Variants in TRAF3IP3 observed in about 807,000 individuals in gnomAD.
TRAF3IP3 encodes TRAF3-interacting JNK-activating modulator.
TRAF3IP3 carries 64 observed loss-of-function variants against 86.5 expected under a neutral mutation model. The ratio of observed to expected loss-of-function variants is 0.74; its 90% CI spans 0.60 to 0.91. The LOEUF is 0.91. Among genes scored for constraint, TRAF3IP3 ranks in the 40% least tolerant of loss-of-function variants. TRAF3IP3 has a pLI of 0.00. For missense variants in TRAF3IP3, 579 were observed against 642.9 expected (o/e 0.90, Z 1.07); for synonymous variants, 220 against 243.9 (o/e 0.90, Z 0.91).
At chr1:209,763,340 A>T in intron 6 of TRAF3IP3, 23 bp from the exon 7 acceptor site, 1 of 1,612,426 alleles carries the variant, frequency 6.2e-7, no homozygotes. Flanking sequence ...GACATTTTGA[A>T]TACCCTTGTT....
In TRAF3IP3 at chr1:209,778,161, C is replaced by T; in HGVS notation, c.1240C>T (p.Gln414Ter). ...AEKLTLVTRVQQLQGLLQNQS... is the reference protein window; with the variant it reads ...AEKLTLVTRV ...GAAACTCACCCTGGTGACCAGAGTA[C>T]AGCAGTTGCAGGGTAAGTTCGCTTT... is the stretch of plus-strand genomic sequence containing the variant. The change falls in exon 13 of 17, where the codon CAG (glutamine) becomes TAG (stop). Residue 414 changes from glutamine to a stop codon, truncating the protein, a stop_gained. Transcript: ENST00000367025. LOFTEE classifies it high-confidence loss of function. 6.2e-7 allele frequency: 1 copy of T among 1,614,024 alleles called. No individual in the cohort carries two copies. Among genetic ancestry groups the T allele is most frequent in the Non-Finnish European group, 8.5e-7 (1 of 1,179,910 alleles).
At chr1:209,779,695 A>C in intron 14 of TRAF3IP3, 1 of 595,682 alleles carries the variant, frequency 1.7e-6, no homozygotes, top group Non-Finnish European at 3.0e-6. Context: ...TTTCCAAATC[A>C]CATCCAACTC....
chr1:209,763,032 T>C, intron 5 of TRAF3IP3, 36 bp from the exon 6 acceptor site: 1 of 1,612,386 alleles, frequency 6.2e-7, no homozygotes, highest in Non-Finnish European at 8.5e-7. Flanking sequence ...GATTCTTTGG[T>C]CCATTATCAT....
At position 209,763,406 on chromosome 1, in the gene TRAF3IP3, G is replaced by A; in HGVS notation, c.606+14G>A. The A allele has an allele frequency of 6.2e-7, 1 of 1,613,908 alleles. No individual in the cohort carries two copies. Among genetic ancestry groups the A allele is most frequent in the Non-Finnish European group, 8.5e-7 (1 of 1,179,896 alleles). On this transcript the variant is annotated intron_variant, in intron 7 of 16. Transcript: ENST00000367025. Reference sequence around the variant, plus strand: ...GATTACCTCAAAGTAAGTGGCATGTGACCCCTCCCCTCAGTTCCTCCATCC... The same window carrying A: ...GATTACCTCAAAGTAAGTGGCATGTAACCCCTCCCCTCAGTTCCTCCATCC...
chr1:209,766,101 G>A (rs1331038985), intron 8 of TRAF3IP3, among the ~76,000 whole-genome samples: 1 of 152,228 alleles, frequency 6.6e-6, no homozygotes, highest in African/African-American at 2.4e-5. Context: ...GAGAAAGAAA[G>A]ATGATGGGAG....
intron 8 of TRAF3IP3, chr1:209,768,600 A>C: frequency 1.0e-6 from 1 of 985,870 alleles, no homozygotes; most frequent in Non-Finnish European, 1.2e-6. Flanking sequence ...TCTGGAGAGC[A>C]GATCAGAGGC....
intron 8 of TRAF3IP3, among the ~76,000 whole-genome samples, chr1:209,767,829 AG>A (rs1436200154): frequency 2.0e-5 from 3 of 152,034 alleles, no homozygotes; most frequent in Non-Finnish European, 2.9e-5. Flanking sequence ...TGTGGGAATG[AG>A]GGGGGATATA....
rs755111399 is a variant in TRAF3IP3 at position 209,760,079 on chromosome 1, C to T, written c.40C>T (p.Arg14Trp). The change falls in exon 3 of 17, where the codon CGG becomes TGG. Residue 14 changes from arginine to tryptophan, a missense_variant. Transcript: ENST00000367025. ...PDPRPSPGLA[R>W]WAESYEAKCE... Reference sequence around the variant, plus strand: ...CCCCAGGCCCTCCCCTGGCTTGGCCCGGTGGGCTGAGAGCTATGAGGCCAA... The same window carrying T: ...CCCCAGGCCCTCCCCTGGCTTGGCCTGGTGGGCTGAGAGCTATGAGGCCAA... The T allele has an allele frequency of 1.5e-5, 25 of 1,613,898 alleles. No homozygotes were observed. The Admixed American group carries it at 3.3e-4, about 22-fold the overall frequency.
chr1:209,768,210 A>T (rs1252046124), intron 8 of TRAF3IP3: 1 of 985,312 alleles, frequency 1.0e-6, no homozygotes, highest in African/African-American at 1.7e-5. Context: ...TGACCTTCAT[A>T]AATTTGAATT....
At chr1:209,774,219 T>A (rs1454295453) in intron 9 of TRAF3IP3, among the ~76,000 whole-genome samples, 1 of 152,208 alleles carries the variant, frequency 6.6e-6, no homozygotes, top group Non-Finnish European at 1.5e-5. Flanking sequence ...GTCTCCTTAA[T>A]CCTGCAGCCA....
At chr1:209,770,388 GGTGT>G (rs1345942541) in intron 8 of TRAF3IP3, among the ~76,000 whole-genome samples, 1 of 151,030 alleles carries the variant, frequency 6.6e-6, no homozygotes, top group Non-Finnish European at 1.5e-5. Context: ...TGCATGTGGA[GGTGT>G]GTGTGTGCAG....
intron 3 of TRAF3IP3, among the ~76,000 whole-genome samples, chr1:209,761,927 A>G (rs1204454853): frequency 2.6e-5 from 4 of 152,270 alleles, no homozygotes; most frequent in African/African-American, 7.2e-5. Flanking sequence ...GGAGAAAAGT[A>G]CAGCTCCACA....
At chr1:209,777,885 G>C (rs2077692466) in intron 12 of TRAF3IP3, 3 of 590,494 alleles carry the variant, frequency 5.1e-6, no homozygotes, top group Non-Finnish European at 9.0e-6. Flanking sequence ...TAGATAGTGT[G>C]TAAACACAAG....
intron 8 of TRAF3IP3, among the ~76,000 whole-genome samples, chr1:209,764,066 T>C (rs74750955): frequency 0.011 from 1,718 of 152,286 alleles, 29 homozygotes; most frequent in African/African-American, 0.038. Flanking sequence ...CTGAGCTTCA[T>C]AGGGGTCAAG....
intron 3 of TRAF3IP3, among the ~76,000 whole-genome samples, chr1:209,762,146 C>A (rs6679631): frequency 0.36 from 54,186 of 151,750 alleles, 12,783 homozygotes; most frequent in African/African-American, 0.68. Flanking sequence ...GAGTTCTAAA[C>A]CCATGGATTC....
In TRAF3IP3 at chr1:209,772,923, C is replaced by G; in HGVS notation, c.703-25C>G. On this transcript the variant is annotated intron_variant, in intron 8 of 16. Transcript: ENST00000367025. ...TGCAGACTAGATTTTGCCCCAAGCT[C>G]ATTAACTCATCCCATTTGCTCCAGG... The G allele has an allele frequency of 2.5e-6, 4 of 1,610,788 alleles. No homozygotes were observed. In the South Asian group the frequency reaches 4.4e-5, roughly 18 times the overall value.
chr1:209,760,939 A>C (rs2077235106), intron 3 of TRAF3IP3, among the ~76,000 whole-genome samples: 1 of 152,208 alleles, frequency 6.6e-6, no homozygotes, highest in Non-Finnish European at 1.5e-5. Context: ...ATCTCTAAAA[A>C]ACTTAAAAAT....
chr1:209,774,890 G>C (rs562671040), intron 9 of TRAF3IP3, among the ~76,000 whole-genome samples: 4 of 152,298 alleles, frequency 2.6e-5, no homozygotes, highest in African/African-American at 7.2e-5. Flanking sequence ...TAGGGATAGA[G>C]AGGAGACAGA....
intron 14 of TRAF3IP3, 99 bp downstream of exon 14, chr1:209,779,473 G>C (rs2102518425): frequency 2.0e-6 from 2 of 1,013,326 alleles, no homozygotes; most frequent in Non-Finnish European, 3.1e-6. Flanking sequence ...GTCCCAGCCA[G>C]TTCTGGGAGT....
Sources: allele counts gnomAD v4.1 joint callset (sites outside exome capture counted in the v4.1 genomes callset), GRCh38; gene constraint gnomAD v4.1.1; transcripts MANE v1.5; gene names NCBI Gene and HGNC (gene_info 2026-07-23, HGNC 2026-07-21).